Variants in MEIS2 observed in about 807,000 individuals in gnomAD.
MEIS2 encodes homeobox protein Meis2.
A neutral mutation model predicts 58.6 loss-of-function variants in MEIS2; 9 were observed. That is an observed-to-expected ratio of 0.15 (90% CI 0.09 to 0.27). MEIS2 has a LOEUF of 0.27. MEIS2 is among the 10% of genes least tolerant of loss of function. MEIS2 has a pLI of 1.00. For synonymous variants in MEIS2, 221 were observed against 228.4 expected (o/e 0.97, Z 0.29); for missense variants, 427 against 635.0 (o/e 0.67, Z 3.52).
intron 8 of MEIS2, among the ~76,000 whole-genome samples, chr15:37,009,565 A>G (rs1231428202): frequency 6.6e-6 from 1 of 152,242 alleles, no homozygotes. Context: ...GTGTCTATTA[A>G]GACAATGAAA....
chr15:36,919,033 G>A (rs2057391105), intron 9 of MEIS2, among the ~76,000 whole-genome samples: 1 of 152,100 alleles, frequency 6.6e-6, no homozygotes, highest in African/African-American at 2.4e-5. Flanking sequence ...CTAGAGGCAG[G>A]AGGATTGCTT....
intron 8 of MEIS2, among the ~76,000 whole-genome samples, chr15:36,956,454 A>G (rs919275971): frequency 6.6e-6 from 1 of 152,158 alleles, no homozygotes; most frequent in African/African-American, 2.4e-5. Flanking sequence ...TAATTTAGGG[A>G]TGTAATCAGT....
chr15:37,025,421 T>C (rs900269406), intron 8 of MEIS2, among the ~76,000 whole-genome samples: 4 of 152,218 alleles, frequency 2.6e-5, no homozygotes, highest in African/African-American at 9.6e-5. Flanking sequence ...GCTTCTGGTA[T>C]ATATATAACC....
At chr15:36,929,088 G>A (rs2141323698) in intron 9 of MEIS2, among the ~76,000 whole-genome samples, 1 of 152,266 alleles carries the variant, frequency 6.6e-6, no homozygotes, top group Non-Finnish European at 1.5e-5. Flanking sequence ...CTCCATGAGG[G>A]CAGGGTTGCA....
intron 8 of MEIS2, among the ~76,000 whole-genome samples, chr15:37,027,544 G>A (rs1413478248): frequency 6.6e-6 from 1 of 152,136 alleles, no homozygotes; most frequent in Non-Finnish European, 1.5e-5. Context: ...TTTTTAAATA[G>A]CTGAATATTC....
At chr15:36,893,497 C>T (rs899117583) in intron 11 of MEIS2, among the ~76,000 whole-genome samples, 1 of 152,224 alleles carries the variant, frequency 6.6e-6, no homozygotes, top group African/African-American at 2.4e-5. Flanking sequence ...TATTCTACCA[C>T]AGCAGCCTGC....
chr15:36,974,944 C>T (rs566586756), intron 8 of MEIS2, among the ~76,000 whole-genome samples: 28 of 152,222 alleles, frequency 1.8e-4, no homozygotes, highest in African/African-American at 6.0e-4. Flanking sequence ...CTCATATTTT[C>T]CCAAAGATCA....
In MEIS2 at chr15:36,907,159, G is replaced by A. The variant is rs555456731; in HGVS notation, c.978-10473C>T. Among the ~76,000 whole-genome samples, 5 of 152,266 alleles carry A rather than the reference G, an allele frequency of 3.3e-5. No homozygotes were observed. In the South Asian group the frequency reaches 8.3e-4, roughly 25 times the overall value. The stretch of plus-strand genomic sequence containing the variant: ...AAGCAATAGCATAAAACAATCAAGG[G>A]TGGGTTTTCTCCAGGTAGTGACAAC... On this transcript the variant is annotated intron_variant, in intron 9 of 11. Coordinates refer to ENST00000561208, the MANE Select transcript of MEIS2 (RefSeq NM_170675.5).
At chr15:37,069,536 C>T (rs1047829777) in intron 7 of MEIS2, among the ~76,000 whole-genome samples, 8 of 152,284 alleles carry the variant, frequency 5.3e-5, no homozygotes, top group African/African-American at 1.9e-4. Flanking sequence ...GCCTAATTCT[C>T]CTTCCCACAG....
chr15:37,077,808 C>T (rs1054027131), intron 7 of MEIS2, among the ~76,000 whole-genome samples: 1 of 151,976 alleles, frequency 6.6e-6, no homozygotes, highest in Non-Finnish European at 1.5e-5. Flanking sequence ...AACACAGCAA[C>T]AAGAGCTGAT....
chr15:37,058,743 CTCCACAGATCACCTGGGTCAAGAT>C (rs1567238660), intron 7 of MEIS2, among the ~76,000 whole-genome samples: 1 of 152,178 alleles, frequency 6.6e-6, no homozygotes, highest in Non-Finnish European at 1.5e-5. Flanking sequence ...TCAGCAAAGG[CTCCACAGATCACCTGGGTCAAGAT>C]TCCACCACTT....
chr15:36,916,311 C>T lies in MEIS2; in HGVS notation c.978-19625G>A, dbSNP rs530291468. Among the ~76,000 whole-genome samples, 4 of 151,898 alleles carry T rather than the reference C, an allele frequency of 2.6e-5. No homozygotes were observed. The South Asian group carries it at 6.2e-4, about 24-fold the overall frequency. On this transcript the variant is annotated intron_variant, in intron 9 of 11. Coordinates refer to ENST00000561208, the MANE Select transcript of MEIS2 (RefSeq NM_170675.5). The stretch of plus-strand genomic sequence containing the variant: ...GCGTGGTGGCGGGCGCCTGCAGTCC[C>T]AACTACGCAGGAGGCTGAGGCAAGA...
intron 8 of MEIS2, among the ~76,000 whole-genome samples, chr15:36,989,574 A>G (rs1420233388): frequency 1.3e-5 from 2 of 152,100 alleles, no homozygotes; most frequent in African/African-American, 4.8e-5. Flanking sequence ...AGGTTCCTTT[A>G]CTTCTCCCAA....
At chr15:37,044,818 A>G (rs1402705178) in intron 7 of MEIS2, among the ~76,000 whole-genome samples, 1 of 152,154 alleles carries the variant, frequency 6.6e-6, no homozygotes, top group Non-Finnish European at 1.5e-5. Flanking sequence ...AGCTTTTGCT[A>G]GTTTGTCTGT....
intron 7 of MEIS2, among the ~76,000 whole-genome samples, chr15:37,041,154 AAAG>A (rs1279248009): frequency 6.6e-6 from 1 of 152,202 alleles, no homozygotes; most frequent in African/African-American, 2.4e-5. Context: ...AAACAGAAAG[AAAG>A]AAGCTATAGA....
At chr15:36,931,317 G>A (rs143702113) in intron 9 of MEIS2, among the ~76,000 whole-genome samples, 90 of 152,202 alleles carry the variant, frequency 5.9e-4, no homozygotes, top group African/African-American at 2.0e-3. Flanking sequence ...AACCTTGATG[G>A]GTGTACTACT....
intron 7 of MEIS2, among the ~76,000 whole-genome samples, chr15:37,047,063 A>T (rs1277600219): frequency 6.6e-6 from 1 of 152,174 alleles, no homozygotes; most frequent in Non-Finnish European, 1.5e-5. Context: ...CTTGTTACTC[A>T]GTTACCTGAT....
chr15:37,021,396 C>T (rs1424558040), intron 8 of MEIS2, among the ~76,000 whole-genome samples: 2 of 152,194 alleles, frequency 1.3e-5, no homozygotes, highest in African/African-American at 2.4e-5. Flanking sequence ...TCCCCTACGA[C>T]TTATGTACAT....
intron 9 of MEIS2, among the ~76,000 whole-genome samples, chr15:36,941,277 G>T (rs2058365397): frequency 6.6e-6 from 1 of 152,160 alleles, no homozygotes; most frequent in Non-Finnish European, 1.5e-5. Context: ...AAATTCCATG[G>T]TGCTAATTTC....
Sources: gnomAD v4.1 joint callset for allele counts (sites outside exome capture counted in the v4.1 genomes callset) on GRCh38, gnomAD v4.1.1 for gene constraint, MANE v1.5 for transcripts, NCBI Gene and HGNC (gene_info 2026-07-23, HGNC 2026-07-21) for gene names.